Variants in ERBB3 observed in about 807,000 individuals in gnomAD.
ERBB3 encodes the protein erb-b2 receptor tyrosine kinase 3.
In ERBB3, 96 loss-of-function variants were observed where a neutral mutation model predicts 156.7. That is an observed-to-expected ratio of 0.61 (90% CI 0.52 to 0.73). The LOEUF (loss-of-function observed/expected upper bound fraction) is 0.73, where lower values mean the gene tolerates loss of function less well. ERBB3 is among the 30% of genes least tolerant of loss of function. The probability of loss-of-function intolerance (pLI) is 0.00; values close to 1 mark genes in which losing one functional copy is unlikely to be tolerated. For synonymous variants in ERBB3, 567 were observed against 632.0 expected (o/e 0.90, Z 1.54); for missense variants, 1,406 against 1,709.4 (o/e 0.82, Z 3.13).
rs745349643 is a variant in ERBB3, at chr12:56,086,633, T to G, written c.524T>G (p.Val175Gly). 8 of 1,614,074 alleles carry G rather than the reference T, an allele frequency of 5.0e-6. No individual in the cohort carries two copies. The South Asian group carries it at 5.5e-5, about 11-fold the overall frequency. The change falls in exon 4 of 28, where the codon GTG becomes GGG. Residue 175 changes from valine to glycine, a missense_variant. Physicochemically the swap from Val to Gly is moderately radical, Grantham distance 109 (BLOSUM62 -3). Around this residue, in one of 3 missense-constraint regions of ERBB3, gnomAD observed 979 missense variants for 1,219.6 expected, o/e 0.80. Coordinates refer to ENST00000267101, the MANE Select transcript of ERBB3 (RefSeq NM_001982.4). ...DIVRDRDAEIVVKDNGRSCPP... is the reference protein window; with the variant it reads ...DIVRDRDAEIGVKDNGRSCPP... ...GTGAGGGACCGAGATGCTGAGATAG[T>G]GGTGAAGGACAATGGCAGAAGCTGT...
chr12:56,087,293 G>T (rs957231576), intron 4 of ERBB3, among the ~76,000 whole-genome samples: 1 of 152,048 alleles, frequency 6.6e-6, no homozygotes, highest in African/African-American at 2.4e-5. Context: ...TATTCAGTTT[G>T]CCCAGGAGGA....
chr12:56,080,148 C>G (rs374443471), upstream of ERBB3: 7 of 683,512 alleles, frequency 1.0e-5, no homozygotes, highest in African/African-American at 8.8e-5. Flanking sequence ...CCCCGGACTC[C>G]GGCTCCGGCT....
chr12:56,102,412 C>T lies in ERBB3; in HGVS notation c.*357C>T, dbSNP rs914315490. On this transcript the variant is annotated 3_prime_UTR_variant, in exon 28 of 28. Coordinates refer to ENST00000267101, the MANE Select transcript of ERBB3 (RefSeq NM_001982.4). ...CTTGGAACTAGGCTCTTATGTGTGC[C>T]TTTGTTTCCCATCAGACTGTCAAGA... The T allele has an allele frequency of 3.4e-6, 1 of 293,004 alleles. No individual in the cohort carries two copies. Among genetic ancestry groups the T allele is most frequent in the Non-Finnish European group, 6.5e-6 (1 of 154,768 alleles). The allele number at this position is 293,004 out of a possible 1,614,324, so 18.2% of individuals were successfully genotyped here.
At position 56,101,944 on chromosome 12, in the gene ERBB3, T is replaced by A; in HGVS notation, c.3918T>A (p.His1306Gln). 1 of 1,613,444 alleles carries A rather than the reference T, an allele frequency of 6.2e-7. No individual in the cohort carries two copies. Among genetic ancestry groups the A allele is most frequent in the Non-Finnish European group, 8.5e-7 (1 of 1,179,760 alleles). The change falls in exon 28 of 28, where the codon CAT (histidine) becomes CAA (glutamine). Residue 1306 changes from histidine to glutamine, a missense_variant. Around this residue, in one of 3 missense-constraint regions of ERBB3, gnomAD observed 415 missense variants for 454.1 expected, o/e 0.91. Coordinates refer to ENST00000267101, the MANE Select transcript of ERBB3 (RefSeq NM_001982.4). ...CTGGACATCAGGCCCCCCATGTCCATTATGCCCGCCTAAAAACTCTACGTA... is the reference window on the plus strand; with the variant it reads ...CTGGACATCAGGCCCCCCATGTCCAATATGCCCGCCTAAAAACTCTACGTA... ...QGPGHQAPHV[H>Q]YARLKTLRSL...
chr12:56,102,806 TAAAAA>T lies in ERBB3; in HGVS notation c.*775_*779del, dbSNP rs4016497. On this transcript the variant is annotated 3_prime_UTR_variant, in exon 28 of 28. Coordinates refer to ENST00000267101, the MANE Select transcript of ERBB3 (RefSeq NM_001982.4). Reference sequence around the variant, plus strand: ...CAACATAGTAAGACCCCCATCTCTTTAAAAAAAAAAAAAAAAAAAAAAAAAAAACT... The same window carrying T: ...CAACATAGTAAGACCCCCATCTCTTTAAAAAAAAAAAAAAAAAAAAAAACT... 4.3e-4 allele frequency: 24 copies of T among 56,140 alleles called. No homozygotes were observed. In the South Asian group the frequency reaches 7.0e-3, roughly 16 times the overall value. The allele number at this position is 56,140 out of a possible 1,614,324, so 3.5% of individuals were successfully genotyped here.
At chr12:56,090,417 G>A (rs920364351) in intron 9 of ERBB3, among the ~76,000 whole-genome samples, 34 of 152,038 alleles carry the variant, frequency 2.2e-4, no homozygotes, top group Non-Finnish European at 3.8e-4. Flanking sequence ...GGATCACTAG[G>A]TGTGGATCAC....
Position 56,096,540 on chromosome 12 carries a change from A to C in ERBB3, c.2093A>C (p.Lys698Thr). The C allele has an allele frequency of 6.2e-7, 1 of 1,614,164 alleles. No homozygotes were observed. The highest frequency in any genetic ancestry group is 1.1e-5 in the South Asian group (1 of 91,088). ...CTGGACCCCAGTGAGAAGGCTAACAAAGTCTTGGCCAGAATCTTCAAAGAG... is the reference window on the plus strand; with the variant it reads ...CTGGACCCCAGTGAGAAGGCTAACACAGTCTTGGCCAGAATCTTCAAAGAG... ...EPLDPSEKAN[K>T]VLARIFKETE... The change falls in exon 18 of 28, where the codon AAA becomes ACA. Residue 698 changes from lysine to threonine, a missense_variant. Coordinates refer to ENST00000267101, the MANE Select transcript of ERBB3 (RefSeq NM_001982.4).
At position 56,093,463 on chromosome 12, in the gene ERBB3, C is replaced by T. The variant is rs2136809785; in HGVS notation, c.1393C>T (p.His465Tyr). 2 of 1,613,980 alleles carry T rather than the reference C, an allele frequency of 1.2e-6. No individual in the cohort carries two copies. Among genetic ancestry groups the T allele is most frequent in the Non-Finnish European group, 8.5e-7 (1 of 1,179,990 alleles). ...AAGTGCCAATAGGCAGCTCTGCTACCACCACTCTTTGAACTGGACCAAGGT... is the reference window on the plus strand; with the variant it reads ...AAGTGCCAATAGGCAGCTCTGCTACTACCACTCTTTGAACTGGACCAAGGT... ...YISANRQLCY[H>Y]HSLNWTKVLR... Residue 465 changes from histidine to tyrosine, a missense_variant, in exon 12 of 28, where the codon CAC (histidine) becomes TAC (tyrosine). By Grantham distance (83) the His-to-Tyr change is moderately conservative. Coordinates refer to ENST00000267101, the MANE Select transcript of ERBB3 (RefSeq NM_001982.4).
chr12:56,085,377 G>T, intron 3 of ERBB3, 196 bp downstream of exon 3: 1 of 1,452,338 alleles, frequency 6.9e-7, no homozygotes, highest in South Asian at 1.5e-5. Flanking sequence ...TCTGCTCCAG[G>T]GAAAGGAACC....
intron 22 of ERBB3, 90 bp from the exon 23 acceptor site, chr12:56,098,668 AT>A (rs1565860962): frequency 4.4e-6 from 7 of 1,585,546 alleles, no homozygotes; most frequent in Non-Finnish European, 4.3e-6. Context: ...AGCACTTCAG[AT>A]TTTTGTGTTA....
At position 56,095,248 on chromosome 12, in the gene ERBB3, C is replaced by A; in HGVS notation, c.1860-9C>A. 6.2e-7 allele frequency: 1 copy of A among 1,609,982 alleles called. No individual in the cohort carries two copies. Among genetic ancestry groups the A allele is most frequent in the South Asian group, 1.1e-5 (1 of 90,990 alleles). The stretch of plus-strand genomic sequence containing the variant: ...AGCTCTCATTTAAGGTGGTGACTTT[C>A]TTCCCTAGGTGTAAAGGACCAGAGC... On this transcript the variant is annotated splice_polypyrimidine_tract_variant and intron_variant, in intron 15 of 27. Transcript: ENST00000267101.
At chr12:56,089,030 C>T (rs1868581278) in intron 9 of ERBB3, 162 bp downstream of exon 9, 1 of 923,934 alleles carries the variant, frequency 1.1e-6, no homozygotes, top group African/African-American at 1.6e-5. Flanking sequence ...ATCCTCCATC[C>T]AGGCCTTCGG....
Position 56,095,736 on chromosome 12 carries a change from C to T in ERBB3, c.1985C>T (p.Thr662Ile), listed in dbSNP as rs1565859985. The T allele has an allele frequency of 1.2e-6, 2 of 1,614,230 alleles. No homozygotes were observed. Among genetic ancestry groups the T allele is most frequent in the Admixed American group, 3.3e-5 (2 of 60,028 alleles). The change falls in exon 17 of 28, where the codon ACT becomes ATT. Residue 662 changes from threonine (T) to isoleucine (I), a missense_variant. By Grantham distance (89) the Thr-to-Ile change is moderately conservative. This residue lies in a region of ERBB3 where 979 missense variants were observed against 1,219.6 expected (regional missense o/e 0.80). Transcript: ENST00000267101. ...LVVIFMMLGGTFLYWRGRRIQ... is the reference protein window; with the variant it reads ...LVVIFMMLGGIFLYWRGRRIQ... ...GTGATTTTCATGATGCTGGGCGGCA[C>T]TTTTCTCTACTGGCGTGGGCGCCGG...
At chr12:56,087,082 A>T (rs1446115605) in intron 4 of ERBB3, among the ~76,000 whole-genome samples, 1 of 148,830 alleles carries the variant, frequency 6.7e-6, no homozygotes, top group African/African-American at 2.5e-5. Flanking sequence ...AGCTGCAGTG[A>T]GCTGTGATTG....
chr12:56,094,300 G>T, intron 14 of ERBB3, 102 bp from the exon 15 acceptor site: 15 of 1,485,572 alleles, frequency 1.0e-5, no homozygotes, highest in Non-Finnish European at 1.4e-5. Flanking sequence ...TAATGCTAGG[G>T]CCTGCAGATA....
chr12:56,084,217 T>C (rs1015569305), intron 2 of ERBB3, among the ~76,000 whole-genome samples: 2 of 152,124 alleles, frequency 1.3e-5, no homozygotes, highest in Non-Finnish European at 2.9e-5. Context: ...GAAGGGGCCC[T>C]ACTGGTATGA....
rs1181257221 is a variant in ERBB3 at position 56,088,976 on chromosome 12, A to G, written c.1109+108A>G. On this transcript the variant is annotated intron_variant, in intron 9 of 27. Transcript: ENST00000267101. ...GGAGCTGACTAGGAATCAAAGTCAT[A>G]AAATTCTAGCCTGTTACAAAGGACC... The G allele has an allele frequency of 2.7e-6, 4 of 1,454,886 alleles. No homozygotes were observed. In the South Asian group the frequency reaches 3.4e-5, roughly 13 times the overall value. The allele number at this position is 1,454,886 out of a possible 1,614,324, so 90.1% of individuals were successfully genotyped here.
chr12:56,083,406 CG>C, intron 1 of ERBB3: 1 of 367,106 alleles, frequency 2.7e-6, no homozygotes, highest in Non-Finnish European at 5.3e-6. Context: ...ATCAAAGTTG[CG>C]GCCTTTTCCT....
intron 3 of ERBB3, 121 bp from the exon 4 acceptor site, chr12:56,086,410 C>T (rs1287571278): frequency 2.0e-5 from 24 of 1,194,314 alleles, no homozygotes; most frequent in Non-Finnish European, 2.9e-5. Flanking sequence ...TTTAATTGGA[C>T]CTATCTGTCT....
Sources: allele counts gnomAD v4.1 joint callset (sites outside exome capture counted in the v4.1 genomes callset), GRCh38; gene constraint gnomAD v4.1.1; regional missense constraint gnomAD v4.1.1; transcripts MANE v1.5; gene names NCBI Gene and HGNC (gene_info 2026-07-23, HGNC 2026-07-21).